The following GRM8 variants were observed in gnomAD, a reference collection of about 807,000 sequenced individuals.
The protein encoded by GRM8 is metabotropic glutamate receptor 8.
Under a neutral mutation model 87.2 loss-of-function variants are expected in GRM8, and 47 were observed. The ratio of observed to expected loss-of-function variants is 0.54; its 90% CI spans 0.43 to 0.69. The LOEUF (loss-of-function observed/expected upper bound fraction) is 0.69. Ranked by LOEUF, GRM8 falls within the 30% of genes least tolerant of loss-of-function variation. The pLI, the probability that GRM8 is intolerant of heterozygous loss-of-function variation, is 0.00. For synonymous variants in GRM8, 396 were observed against 404.5 expected, an observed-to-expected ratio of 0.98 and a Z score of 0.25; for missense variants, 1,019 against 1,139.2, an observed-to-expected ratio of 0.89 and a Z score of 1.52.
intron 2 of GRM8, among the ~76,000 whole-genome samples, chr7:127,153,007 C>T (rs1335606173): frequency 3.9e-5 from 6 of 152,058 alleles, no homozygotes; most frequent in African/African-American, 1.4e-4. Context: ...TATTTAACAC[C>T]CTCCCCATTT....
chr7:126,986,939 A>T (rs1812133177), intron 3 of GRM8, among the ~76,000 whole-genome samples: 1 of 152,204 alleles, frequency 6.6e-6, no homozygotes, highest in Non-Finnish European at 1.5e-5. Context: ...TAATCCTCAT[A>T]ACAACCTTAT....
chr7:127,077,480 C>T (rs1175449599), intron 3 of GRM8, among the ~76,000 whole-genome samples: 2 of 152,154 alleles, frequency 1.3e-5, no homozygotes, highest in African/African-American at 4.8e-5. Context: ...AACACAAGTT[C>T]TAGTTATAGC....
At chr7:126,448,750 G>C (rs542994835) in intron 9 of GRM8, among the ~76,000 whole-genome samples, 1 of 151,876 alleles carries the variant, frequency 6.6e-6, no homozygotes, top group Admixed American at 6.6e-5. Context: ...TACAGGAAAG[G>C]CATCTAACAA....
At chr7:126,724,751 A>G (rs1272985581) in intron 7 of GRM8, among the ~76,000 whole-genome samples, 1 of 151,048 alleles carries the variant, frequency 6.6e-6, no homozygotes, top group African/African-American at 2.5e-5. Flanking sequence ...TGTATAATAA[A>G]CTATTTGCAA....
chr7:127,247,763 T>C (rs567132808), intron 1 of GRM8, among the ~76,000 whole-genome samples: 3 of 152,322 alleles, frequency 2.0e-5, no homozygotes, highest in African/African-American at 7.2e-5. Context: ...CTCTAAGGTG[T>C]CTTCCAGCTT....
rs1328121345 is a variant in GRM8 at position 127,252,842 on chromosome 7, G to A, written c.-357C>T. ...CGGTGAGGAAGCCCGCCGGGGGCCC[G>A]CAGCTCCATGTCAGCGCCGCCGCCG... On this transcript the variant is annotated 5_prime_UTR_variant, in exon 1 of 11. Transcript: ENST00000339582. This position sits in a 1 kb window ranked among gnomAD's most constrained non-coding sequence, Gnocchi z 4.9. 9.3e-6 allele frequency: 2 copies of A among 214,950 alleles called. No homozygotes were observed. The highest frequency in any genetic ancestry group is 8.9e-6 in the Non-Finnish European group (1 of 112,462). 13.3% of individuals were successfully genotyped at this position (214,950 alleles called of 1,614,324 possible). A position where few individuals can be genotyped will look rare whatever the true frequency, so the allele number is the denominator to read the frequency against.
chr7:126,573,231 C>G (rs1362834628), intron 8 of GRM8, among the ~76,000 whole-genome samples: 1 of 151,936 alleles, frequency 6.6e-6, no homozygotes, highest in Non-Finnish European at 1.5e-5. Flanking sequence ...AACCCAGGAA[C>G]AAAGAAAAAG....
chr7:126,577,042 T>C (rs1795180640), intron 8 of GRM8, among the ~76,000 whole-genome samples: 1 of 152,208 alleles, frequency 6.6e-6, no homozygotes, highest in African/African-American at 2.4e-5. Flanking sequence ...GCTGTCCTGT[T>C]TCAGTGGGAA....
rs1816105634 is a variant in GRM8 at position 126,538,424 on chromosome 7, T to G, written c.1495-4537A>C. On this transcript the variant is annotated intron_variant, in intron 8 of 10. Transcript: ENST00000339582. ...CAAGTAAAATCCCCATTATAATTAA[T>G]AATTTTCAGTCTTCATTACAGAACT... Among the ~76,000 whole-genome samples the G allele has an allele frequency of 2.0e-5, 3 of 152,170 alleles. No individual in the cohort carries two copies. In the South Asian group the frequency reaches 6.2e-4, roughly 31 times the overall value.
Position 127,162,172 on chromosome 7 carries a change from A to T in GRM8, c.511-55460T>A, listed in dbSNP as rs1793157733. On this transcript the variant is annotated intron_variant, in intron 2 of 10. Transcript: ENST00000339582. ...TCCAGGTCTGTGGTTTTCTCCCAGA[A>T]CTAAGATATTTTGGAGCCCTGGGGC... Among the ~76,000 whole-genome samples, 3 of 152,206 alleles carry T rather than the reference A, an allele frequency of 2.0e-5. No homozygotes were observed. In the South Asian group the frequency reaches 6.2e-4, roughly 32 times the overall value.
At chr7:126,532,175 T>A (rs1247038734) in intron 9 of GRM8, among the ~76,000 whole-genome samples, 1 of 152,226 alleles carries the variant, frequency 6.6e-6, no homozygotes, top group African/African-American at 2.4e-5. Context: ...TTACCAGCAG[T>A]ATTTTATGTG....
intron 2 of GRM8, among the ~76,000 whole-genome samples, chr7:127,127,250 T>G (rs1389423884): frequency 6.6e-6 from 1 of 152,012 alleles, no homozygotes; most frequent in Admixed American, 6.6e-5. Flanking sequence ...AATATATGCA[T>G]CTACCACATA....
chr7:126,507,776 G>GTCTA (rs1810705590), intron 9 of GRM8, among the ~76,000 whole-genome samples: 1 of 151,948 alleles, frequency 6.6e-6, no homozygotes, highest in Non-Finnish European at 1.5e-5. Context: ...TTTCGAGCTT[G>GTCTA]TCTATTCTTT....
intron 7 of GRM8, among the ~76,000 whole-genome samples, chr7:126,707,392 T>C (rs1810636753): frequency 6.6e-6 from 1 of 152,174 alleles, no homozygotes; most frequent in Non-Finnish European, 1.5e-5. Context: ...ATGACTACTA[T>C]AATGGCATGA....
chr7:126,967,162 TG>T (rs1563363039), intron 3 of GRM8, among the ~76,000 whole-genome samples: 2 of 62,572 alleles, frequency 3.2e-5, no homozygotes, highest in Non-Finnish European at 6.3e-5. Context: ...ACTCTGTGTG[TG>T]TGTTTGTGTG....
In GRM8 at chr7:126,759,641, T is replaced by G. The variant is rs999702914; in HGVS notation, c.1357+10224A>C. Among the ~76,000 whole-genome samples, 6 of 152,290 alleles carry G rather than the reference T, an allele frequency of 3.9e-5. No homozygotes were observed. In the South Asian group the frequency reaches 8.3e-4, roughly 21 times the overall value. On this transcript the variant is annotated intron_variant, in intron 7 of 10. Transcript: ENST00000339582. ...TTCCAACTCCTGCCTTGTTTTCACC[T>G]CCCAAACTAATCCTTATATGTAGTA...
chr7:126,621,138 T>C (rs1378303979), intron 7 of GRM8, among the ~76,000 whole-genome samples: 2 of 152,222 alleles, frequency 1.3e-5, no homozygotes, highest in Non-Finnish European at 2.9e-5. Flanking sequence ...CATGCTCTCT[T>C]TCCTTATCCA....
intron 3 of GRM8, among the ~76,000 whole-genome samples, chr7:127,043,971 T>G (rs1482434760): frequency 6.6e-6 from 1 of 152,142 alleles, no homozygotes; most frequent in East Asian, 1.9e-4. Flanking sequence ...TTTTACCCTT[T>G]TCACACAAGT....
intron 8 of GRM8, among the ~76,000 whole-genome samples, chr7:126,580,763 T>C (rs1033449023): frequency 1.3e-5 from 2 of 152,156 alleles, no homozygotes; most frequent in Non-Finnish European, 2.9e-5. Context: ...TTAATAAATA[T>C]GTAATTCAAC....
Sources: allele counts gnomAD v4.1 joint callset (sites outside exome capture counted in the v4.1 genomes callset), GRCh38; gene constraint gnomAD v4.1.1; non-coding constraint Gnocchi (gnomAD v3.1); transcripts MANE v1.5; gene names NCBI Gene and HGNC (gene_info 2026-07-23, HGNC 2026-07-21).